UST: variants seen among roughly 807,000 people sequenced by gnomAD.
UST encodes the protein chondroitin sulfate 2-O-sulfotransferase.
Under a neutral mutation model 45.6 loss-of-function variants are expected in UST, and 21 were observed. The observed-to-expected ratio is 0.46, with a 90% CI of 0.33 to 0.66. The LOEUF (loss-of-function observed/expected upper bound fraction) is 0.66. Among genes scored for constraint, UST ranks in the 30% least tolerant of loss-of-function variants. The pLI is 0.02. For synonymous variants in UST, 215 were observed against 200.6 expected (o/e 1.07, Z -0.61); for missense variants, 463 against 512.4 (o/e 0.90, Z 0.93).
chr6:149,008,181 G>C (rs745537914), intron 5 of UST, among the ~76,000 whole-genome samples: 1 of 152,054 alleles, frequency 6.6e-6, no homozygotes, highest in African/African-American at 2.4e-5. Flanking sequence ...AATTTATTTT[G>C]CAAAAAATGA....
intron 4 of UST, among the ~76,000 whole-genome samples, chr6:148,956,610 A>C (rs1780513886): frequency 6.6e-6 from 1 of 152,208 alleles, no homozygotes; most frequent in Non-Finnish European, 1.5e-5. Flanking sequence ...TCAGAGTGGC[A>C]GTTAAAAAGG....
At chr6:149,013,317 AGGAAGGT>A (rs887261784) in intron 5 of UST, among the ~76,000 whole-genome samples, 2 of 152,126 alleles carry the variant, frequency 1.3e-5, no homozygotes, top group African/African-American at 4.8e-5. Flanking sequence ...TGGGAGGTCA[AGGAAGGT>A]GGATCACCTG....
In UST at chr6:148,908,939, C is replaced by CA. The variant is rs1779422329; in HGVS notation, c.291+21916dup. 6.6e-5 allele frequency among the ~76,000 whole-genome samples: 10 copies of CA among 152,152 alleles called. No individual in the cohort carries two copies. The South Asian group carries it at 2.1e-3, about 32-fold the overall frequency. On this transcript the variant is annotated intron_variant, in intron 2 of 7. Coordinates refer to ENST00000367463, the MANE Select transcript of UST (RefSeq NM_005715.3). Reference sequence around the variant, plus strand: ...TGTGAATCTCTTTCTTAAACCTTAGCAAAAAACATTTCAATAGTTTACTCT... The same window carrying CA: ...TGTGAATCTCTTTCTTAAACCTTAGCAAAAAAACATTTCAATAGTTTACTCT...
At chr6:149,062,352 G>A (rs1202356779) in intron 7 of UST, among the ~76,000 whole-genome samples, 1 of 152,216 alleles carries the variant, frequency 6.6e-6, no homozygotes. Context: ...AGTATGCATA[G>A]TCAACACTGA....
chr6:148,758,930 A>G (rs749013321), intron 1 of UST, among the ~76,000 whole-genome samples: 15 of 152,262 alleles, frequency 9.9e-5, no homozygotes, highest in Non-Finnish European at 2.1e-4. Context: ...GCTGTTTGAC[A>G]TGAATGCCTT....
chr6:149,062,615 C>A (rs906312827), intron 7 of UST, among the ~76,000 whole-genome samples: 4 of 152,212 alleles, frequency 2.6e-5, no homozygotes, highest in African/African-American at 9.6e-5. Context: ...TCAATGGATT[C>A]CCTGAATGCC....
chr6:148,749,514 T>C (rs750098708), intron 1 of UST, among the ~76,000 whole-genome samples: 2 of 151,984 alleles, frequency 1.3e-5, no homozygotes, highest in African/African-American at 2.4e-5. Context: ...TCAGACTTCA[T>C]AGGCCTGGTG....
chr6:148,876,106 G>T (rs1180778660), intron 1 of UST, among the ~76,000 whole-genome samples: 1 of 152,186 alleles, frequency 6.6e-6, no homozygotes, highest in Non-Finnish European at 1.5e-5. Flanking sequence ...GCTGGCATCT[G>T]CTTCTGAGGA....
At chr6:148,954,256 G>A (rs1217353640) in intron 4 of UST, among the ~76,000 whole-genome samples, 2 of 152,124 alleles carry the variant, frequency 1.3e-5, no homozygotes, top group Admixed American at 6.5e-5. Flanking sequence ...CAGGAGATGG[G>A]TATTTTAGCA....
Position 148,748,970 on chromosome 6 carries a change from A to G in UST, c.247+1293A>G, listed in dbSNP as rs1199172909. Among the ~76,000 whole-genome samples, 1 of 152,172 alleles carries G rather than the reference A, an allele frequency of 6.6e-6. No individual in the cohort carries two copies. Among genetic ancestry groups the G allele is most frequent in the African/African-American group, 2.4e-5 (1 of 41,448 alleles). On this transcript the variant is annotated intron_variant, in intron 1 of 7. Coordinates refer to ENST00000367463, the MANE Select transcript of UST (RefSeq NM_005715.3). The surrounding 1 kb of genome is among the most constrained non-coding windows in gnomAD (Gnocchi z 5.3). ...CAAACAAACAAAACAAAGCAAAACA[A>G]AAACAAAACCACATCAGCCAAGTTA... is the stretch of plus-strand genomic sequence containing the variant.
intron 5 of UST, chr6:149,005,433 A>T (rs1781627372): frequency 3.0e-6 from 3 of 985,438 alleles, no homozygotes; most frequent in South Asian, 9.4e-5. Context: ...GAGAAGAAAA[A>T]GGGCATGCAA....
chr6:149,026,400 TGTAA>T (rs1376953605), intron 7 of UST, among the ~76,000 whole-genome samples: 11 of 152,162 alleles, frequency 7.2e-5, no homozygotes, highest in Admixed American at 2.0e-4. Flanking sequence ...CACAAAAATG[TGTAA>T]GTAAGGGGCA....
At chr6:148,910,976 TC>T (rs1779463585) in intron 2 of UST, among the ~76,000 whole-genome samples, 1 of 152,126 alleles carries the variant, frequency 6.6e-6, no homozygotes, top group African/African-American at 2.4e-5. Flanking sequence ...CCAGGCGCTG[TC>T]CTCTGTCCAG....
intron 7 of UST, among the ~76,000 whole-genome samples, chr6:149,051,688 G>C (rs1304418098): frequency 6.6e-6 from 1 of 152,204 alleles, no homozygotes; most frequent in African/African-American, 2.4e-5. Flanking sequence ...TCTCCACTTT[G>C]TATCTGACTG....
At chr6:148,796,897 A>G (rs1486573750) in intron 1 of UST, among the ~76,000 whole-genome samples, 1 of 128,736 alleles carries the variant, frequency 7.8e-6, no homozygotes, top group Non-Finnish European at 1.5e-5. Context: ...CTGCCTCCCC[A>G]GTTCAAGCAA....
At chr6:148,916,186 T>G (rs888520491) in intron 2 of UST, among the ~76,000 whole-genome samples, 6 of 152,194 alleles carry the variant, frequency 3.9e-5, no homozygotes, top group Non-Finnish European at 7.3e-5. Flanking sequence ...TAGTTTACAT[T>G]TAAACATCAC....
chr6:148,846,573 T>G (rs1422386244), intron 1 of UST, among the ~76,000 whole-genome samples: 1 of 151,606 alleles, frequency 6.6e-6, no homozygotes, highest in Non-Finnish European at 1.5e-5. Context: ...ATTGTGCACA[T>G]GTACCCTAAA....
chr6:148,864,221 G>C (rs958601059), intron 1 of UST, among the ~76,000 whole-genome samples: 1 of 152,206 alleles, frequency 6.6e-6, no homozygotes, highest in African/African-American at 2.4e-5. Context: ...CCCTCCCCCA[G>C]CCTGGCTGCC....
intron 2 of UST, among the ~76,000 whole-genome samples, chr6:148,896,026 A>T (rs1334720178): frequency 4.6e-5 from 7 of 152,238 alleles, no homozygotes; most frequent in Non-Finnish European, 2.9e-5. Context: ...TAAAGATGAA[A>T]ACCCAAATAT....
Sources: allele counts gnomAD v4.1 joint callset (sites outside exome capture counted in the v4.1 genomes callset), GRCh38; gene constraint gnomAD v4.1.1; non-coding constraint Gnocchi (gnomAD v3.1); transcripts MANE v1.5; gene names NCBI Gene and HGNC (gene_info 2026-07-23, HGNC 2026-07-21).